Variants in IGF2BP2 observed in about 807,000 individuals in gnomAD.
IGF2BP2 encodes insulin-like growth factor 2 mRNA-binding protein 2.
Under a neutral mutation model 75.8 loss-of-function variants are expected in IGF2BP2, and 17 were observed. That is an observed-to-expected ratio of 0.22 (90% CI 0.15 to 0.34). The LOEUF is 0.34. Ranked by LOEUF, IGF2BP2 falls within the 10% of genes least tolerant of loss-of-function variation. The probability of loss-of-function intolerance (pLI) is 1.00; values close to 1 mark genes in which losing one functional copy is unlikely to be tolerated. For synonymous variants in IGF2BP2, 288 were observed against 295.6 expected, an observed-to-expected ratio of 0.97 and a Z score of 0.26; for missense variants, 516 against 772.4, an observed-to-expected ratio of 0.67 and a Z score of 3.93.
At chr3:185,793,701 G>T (rs1359481265) in intron 2 of IGF2BP2, among the ~76,000 whole-genome samples, 2 of 152,128 alleles carry the variant, frequency 1.3e-5, no homozygotes, top group Non-Finnish European at 2.9e-5. Context: ...GGCCCATCCT[G>T]AGGCAGTAAG....
chr3:185,788,470 C>A (rs191285538), intron 2 of IGF2BP2, among the ~76,000 whole-genome samples: 150 of 152,232 alleles, frequency 9.9e-4, no homozygotes, highest in African/African-American at 3.5e-3. Flanking sequence ...ATGATTGCGC[C>A]ACTGCACTCT....
intron 7 of IGF2BP2, among the ~76,000 whole-genome samples, chr3:185,679,775 C>A (rs1256337594): frequency 6.6e-6 from 1 of 152,106 alleles, no homozygotes; most frequent in Non-Finnish European, 1.5e-5. Context: ...TGCCACCACA[C>A]CCGGCTAATT....
chr3:185,653,608 G>A (rs899959807), intron 12 of IGF2BP2, among the ~76,000 whole-genome samples: 4 of 150,958 alleles, frequency 2.6e-5, no homozygotes, highest in Non-Finnish European at 4.4e-5. Context: ...GCGAGACTCC[G>A]TCTTAAAAAA....
In IGF2BP2 at chr3:185,722,099, T is replaced by C. The variant is rs920690639; in HGVS notation, c.240-23752A>G. 24 of 351,800 alleles carry C rather than the reference T, an allele frequency of 6.8e-5. No individual in the cohort carries two copies. The Admixed American group carries it at 9.4e-4, about 14-fold the overall frequency. The allele number at this position is 351,800 out of a possible 1,614,324, so 21.8% of individuals were successfully genotyped here. On this transcript the variant is annotated intron_variant, in intron 2 of 15. Coordinates refer to ENST00000382199, the MANE Select transcript of IGF2BP2 (RefSeq NM_006548.6). ...TGCACCAACCACATCTGATTTTTTT[T>C]TTCTTTTTTTTTTTTGTAGAGAGAG...
intron 11 of IGF2BP2, among the ~76,000 whole-genome samples, chr3:185,657,706 T>A (rs369447416): frequency 6.6e-6 from 1 of 152,246 alleles, no homozygotes; most frequent in Non-Finnish European, 1.5e-5. Flanking sequence ...ACAAATGTGA[T>A]CTGTATCTCT....
chr3:185,741,298 C>T (rs532964208), intron 2 of IGF2BP2, among the ~76,000 whole-genome samples: 1 of 152,274 alleles, frequency 6.6e-6, no homozygotes, highest in East Asian at 1.9e-4. Context: ...TGCCAGCCTA[C>T]CGATAATTTT....
chr3:185,649,673 T>C (rs1714235576), intron 13 of IGF2BP2, 139 bp from the exon 14 acceptor site: 1 of 1,185,156 alleles, frequency 8.4e-7, no homozygotes, highest in Non-Finnish European at 1.2e-6. Context: ...GGAAGCTGCG[T>C]GCCCCAGCCT....
chr3:185,653,407 G>C (rs952679420), intron 12 of IGF2BP2, among the ~76,000 whole-genome samples: 2 of 151,968 alleles, frequency 1.3e-5, no homozygotes, highest in Non-Finnish European at 2.9e-5. Context: ...GATCACCTGG[G>C]GTCAGGAGTT....
At chr3:185,685,133 A>C (rs1007556294) in intron 7 of IGF2BP2, among the ~76,000 whole-genome samples, 12 of 152,156 alleles carry the variant, frequency 7.9e-5, no homozygotes, top group African/African-American at 2.7e-4. Flanking sequence ...GGATCACCTG[A>C]GGTCAGGAGT....
intron 2 of IGF2BP2, among the ~76,000 whole-genome samples, chr3:185,757,316 G>A (rs890914985): frequency 1.3e-5 from 2 of 152,090 alleles, no homozygotes; most frequent in African/African-American, 4.8e-5. Flanking sequence ...TTCCTATGAT[G>A]TGCAAGGCAC....
intron 2 of IGF2BP2, among the ~76,000 whole-genome samples, chr3:185,803,222 G>A (rs1189547484): frequency 1.3e-5 from 2 of 152,118 alleles, no homozygotes; most frequent in African/African-American, 4.8e-5. Flanking sequence ...GTGGTGGCAG[G>A]TGCCTGTAAT....
intron 10 of IGF2BP2, among the ~76,000 whole-genome samples, chr3:185,665,503 A>AGAAGG (rs1560252056): frequency 3.4e-4 from 9 of 26,088 alleles, no homozygotes; most frequent in Non-Finnish European, 6.0e-4. Context: ...GGAGGAGGAG[A>AGAAGG]AGGAGGAGGA....
At chr3:185,695,837 C>A (rs531089850) in intron 4 of IGF2BP2, among the ~76,000 whole-genome samples, 1 of 152,310 alleles carries the variant, frequency 6.6e-6, no homozygotes, top group Non-Finnish European at 1.5e-5. Context: ...GTCACCCAGG[C>A]TGGAGTTCAG....
At chr3:185,775,228 A>C (rs1233591646) in intron 2 of IGF2BP2, among the ~76,000 whole-genome samples, 1 of 152,252 alleles carries the variant, frequency 6.6e-6, no homozygotes, top group Admixed American at 6.5e-5. Flanking sequence ...GTGAGAGCTC[A>C]GTAAATGATG....
At chr3:185,682,649 A>T (rs1720555009) in intron 7 of IGF2BP2, among the ~76,000 whole-genome samples, 1 of 152,258 alleles carries the variant, frequency 6.6e-6, no homozygotes, top group Non-Finnish European at 1.5e-5. Context: ...TTCTCTAAAG[A>T]TGATATACAA....
chr3:185,766,605 A>T (rs925141130), intron 2 of IGF2BP2, among the ~76,000 whole-genome samples: 7 of 152,276 alleles, frequency 4.6e-5, no homozygotes, highest in African/African-American at 1.7e-4. Context: ...AAGGGATAGT[A>T]TCATCTAACA....
intron 2 of IGF2BP2, among the ~76,000 whole-genome samples, chr3:185,794,379 C>G (rs1164077059): frequency 9.9e-6 from 1 of 101,318 alleles, no homozygotes; most frequent in Non-Finnish European, 2.0e-5. Flanking sequence ...TAATCATAGA[C>G]TCACAGAATT....
intron 2 of IGF2BP2, among the ~76,000 whole-genome samples, chr3:185,762,603 T>G (rs557840593): frequency 6.6e-6 from 1 of 151,430 alleles, no homozygotes; most frequent in South Asian, 2.1e-4. Flanking sequence ...TGAGAGACAG[T>G]GTGTTTTGAT....
At chr3:185,821,637 ATTTT>A (rs58917979) in intron 2 of IGF2BP2, among the ~76,000 whole-genome samples, 2 of 149,198 alleles carry the variant, frequency 1.3e-5, no homozygotes, top group Admixed American at 1.3e-4. Context: ...AATTCTAGTA[ATTTT>A]TTTTTTTACT....
Sources: allele counts gnomAD v4.1 joint callset (sites outside exome capture counted in the v4.1 genomes callset), GRCh38; gene constraint gnomAD v4.1.1; transcripts MANE v1.5; gene names NCBI Gene and HGNC (gene_info 2026-07-23, HGNC 2026-07-21).